The following ALDH1L1 variants were observed in gnomAD, a reference collection of about 807,000 sequenced individuals.
The protein encoded by ALDH1L1 is aldehyde dehydrogenase 1 family member L1, also known as cytosolic 10-formyltetrahydrofolate dehydrogenase.
ALDH1L1 carries 68 observed loss-of-function variants against 101.1 expected under a neutral mutation model. That is an observed-to-expected ratio of 0.67 (90% CI 0.55 to 0.82). The LOEUF (loss-of-function observed/expected upper bound fraction) is 0.82. Ranked by LOEUF, ALDH1L1 falls within the 40% of genes least tolerant of loss-of-function variation. The pLI, the probability that ALDH1L1 is intolerant of heterozygous loss-of-function variation, is 0.00. For missense variants in ALDH1L1, 1,087 were observed against 1,172.7 expected, an observed-to-expected ratio of 0.93 and a Z score of 1.07; for synonymous variants, 486 against 470.8, an observed-to-expected ratio of 1.03 and a Z score of -0.42.
Position 126,180,544 on chromosome 3 carries a change from G to A in ALDH1L1, c.-92C>T. 9.6e-7 allele frequency: 1 copy of A among 1,042,952 alleles called. No individual in the cohort carries two copies. Among genetic ancestry groups the A allele is most frequent in the Non-Finnish European group, 1.2e-6 (1 of 864,494 alleles). The allele number at this position is 1,042,952 out of a possible 1,614,324, so 64.6% of individuals were successfully genotyped here. On this transcript the variant is annotated 5_prime_UTR_variant, in exon 1 of 23. Coordinates refer to ENST00000393434, the MANE Select transcript of ALDH1L1 (RefSeq NM_012190.4). ...CTGTGAGCCGCAGCCCCGAAACTGAGGTTGGTGCAGACCCGTCCTGGGAGC... is the reference window on the plus strand; with the variant it reads ...CTGTGAGCCGCAGCCCCGAAACTGAAGTTGGTGCAGACCCGTCCTGGGAGC...
intron 1 of ALDH1L1, among the ~76,000 whole-genome samples, chr3:126,194,801 A>C (rs946397039): frequency 2.6e-5 from 4 of 152,080 alleles, no homozygotes; most frequent in Non-Finnish European, 4.4e-5. Context: ...CCAAAAACAC[A>C]TTTCACTCTC....
At chr3:126,153,134 T>C in intron 7 of ALDH1L1, 1 of 424,204 alleles carries the variant, frequency 2.4e-6, no homozygotes, top group Non-Finnish European at 4.4e-6. Flanking sequence ...CCAGGCTCCC[T>C]GGGAGGGCTT....
chr3:126,183,904 T>A (rs1000876766), upstream of ALDH1L1, among the ~76,000 whole-genome samples: 4 of 152,164 alleles, frequency 2.6e-5, no homozygotes, highest in African/African-American at 9.7e-5. Context: ...TGAGGGGATG[T>A]TTGGAGGGCG....
Position 126,105,807 on chromosome 3 carries a change from C to G in ALDH1L1, c.2572G>C (p.Val858Leu). The change falls in exon 22 of 23, where the codon GTG becomes CTG. Residue 858 changes from valine to leucine, a missense_variant. Val to Leu is a conservative substitution (Grantham distance 32). Around this residue, in one of 2 missense-constraint regions of ALDH1L1, gnomAD observed 442 missense variants for 535.7 expected, o/e 0.83. Coordinates refer to ENST00000393434, the MANE Select transcript of ALDH1L1 (RefSeq NM_012190.4). ...GTCTTGTTGTACGTGTTGACAAACA[C>G]AGTGCCTGCCTGGAGCTTGTCACTG... ...YVSDKLQAGT[V>L]FVNTYNKTDV... 1 of 1,614,240 alleles carries G rather than the reference C, an allele frequency of 6.2e-7. No homozygotes were observed. Among genetic ancestry groups the G allele is most frequent in the Admixed American group, 1.7e-5 (1 of 60,034 alleles).
chr3:126,155,413 C>T lies in ALDH1L1; in HGVS notation c.619G>A (p.Glu207Lys), dbSNP rs753126269. The T allele has an allele frequency of 5.6e-6, 9 of 1,612,936 alleles. No individual in the cohort carries two copies. In the East Asian group the frequency reaches 1.3e-4, roughly 24 times the overall value. ...GATYEGIQKKETAKINWDQPA... is the reference protein window; with the variant it reads ...GATYEGIQKKKTAKINWDQPA... The stretch of plus-strand genomic sequence containing the variant: ...GACCCAGCACTCACCTTGGCTGTCT[C>T]CTTCTTCTGAATCCCCTCATAGGTG... Residue 207 changes from glutamate (E) to lysine (K), a missense_variant, in exon 5 of 23, where the codon GAG becomes AAG. Glu to Lys is a moderately conservative substitution (Grantham distance 56). Transcript: ENST00000393434.
chr3:126,155,573 A>AT lies in ALDH1L1; in HGVS notation c.529-71dup, dbSNP rs2080889218. Reference sequence around the variant, plus strand: ...CCTCCTTCCCAGCCCCAGGGCCCACATTGAGCCTGGACCCTTCCCCAGACT... The same window carrying AT: ...CCTCCTTCCCAGCCCCAGGGCCCACATTTGAGCCTGGACCCTTCCCCAGACT... On this transcript the variant is annotated intron_variant, in intron 4 of 22. Coordinates refer to ENST00000393434, the MANE Select transcript of ALDH1L1 (RefSeq NM_012190.4). The AT allele has an allele frequency of 2.8e-6, 4 of 1,410,280 alleles. No individual in the cohort carries two copies. The East Asian group carries it at 9.6e-5, about 34-fold the overall frequency. 87.4% of individuals were successfully genotyped at this position (1,410,280 alleles called of 1,614,324 possible).
intron 9 of ALDH1L1, among the ~76,000 whole-genome samples, chr3:126,140,080 G>T (rs2080537652): frequency 6.6e-6 from 1 of 151,742 alleles, no homozygotes; most frequent in Non-Finnish European, 1.5e-5. Flanking sequence ...GTCCAAGCAG[G>T]ATCAAAGAGA....
upstream of ALDH1L1, among the ~76,000 whole-genome samples, chr3:126,186,510 A>T (rs1305642404): frequency 6.6e-6 from 1 of 152,014 alleles, no homozygotes; most frequent in African/African-American, 2.4e-5. Flanking sequence ...CCTGACCCTG[A>T]CCCTGACCCT....
At chr3:126,174,823 C>T (rs1388248642) in intron 1 of ALDH1L1, among the ~76,000 whole-genome samples, 3 of 151,852 alleles carry the variant, frequency 2.0e-5, no homozygotes, top group Non-Finnish European at 4.4e-5. Flanking sequence ...AGCAAGTTTC[C>T]AAATTAGGAA....
At chr3:126,117,902 G>A (rs563923254) in intron 17 of ALDH1L1, 103 bp downstream of exon 17, 2 of 1,166,182 alleles carry the variant, frequency 1.7e-6, no homozygotes, top group Non-Finnish European at 1.2e-6. Context: ...AAGTGGCTGT[G>A]CCCTGGAGCC....
chr3:126,159,977 G>A (rs1021307723), intron 2 of ALDH1L1, among the ~76,000 whole-genome samples: 2 of 152,126 alleles, frequency 1.3e-5, no homozygotes, highest in African/African-American at 4.8e-5. Context: ...CTATCCTTAA[G>A]CCCTGCCCCA....
Position 126,157,672 on chromosome 3 carries a change from T to C in ALDH1L1, c.363-164A>G, listed in dbSNP as rs372729019. The stretch of plus-strand genomic sequence containing the variant: ...ACGGAAGAAGGAAAACAGCATGTAT[T>C]GATAACAACCATGGGCCAGGAATTG... On this transcript the variant is annotated intron_variant, in intron 3 of 22. Coordinates refer to ENST00000393434, the MANE Select transcript of ALDH1L1 (RefSeq NM_012190.4). 9.2e-5 allele frequency among the ~76,000 whole-genome samples: 14 copies of C among 152,248 alleles called. No individual in the cohort carries two copies. In the South Asian group the frequency reaches 1.0e-3, roughly 11 times the overall value.
chr3:126,173,895 A>T (rs114729235), intron 1 of ALDH1L1, among the ~76,000 whole-genome samples: 1,798 of 152,370 alleles, frequency 0.012, 39 homozygotes, highest in African/African-American at 0.041. Context: ...CAATTATCCC[A>T]GCAGACATAA....
chr3:126,110,341 G>A (rs1044287501), intron 19 of ALDH1L1: 45 of 580,422 alleles, frequency 7.8e-5, no homozygotes, highest in Non-Finnish European at 1.3e-4. Context: ...GCAACATATG[G>A]GCTGGAAATG....
At chr3:126,148,221 C>T (rs2080736610) in intron 8 of ALDH1L1, among the ~76,000 whole-genome samples, 1 of 152,210 alleles carries the variant, frequency 6.6e-6, no homozygotes, top group African/African-American at 2.4e-5. Flanking sequence ...ATGCAGGCAG[C>T]CCCTCAGTGC....
In ALDH1L1 at chr3:126,155,474, G is replaced by GC; in HGVS notation, c.557dup (p.Lys187GlnfsTer9). The stretch of plus-strand genomic sequence containing the variant: ...CAGGCTGAGGGAGTCTGGGGGCTTT[G>GC]CCCTCAGCGATCAGCCTCACGGCCT... On this transcript the variant is annotated frameshift_variant, in exon 5 of 23. Transcript: ENST00000393434. LOFTEE classifies it high-confidence loss of function. 1 of 1,613,108 alleles carries GC rather than the reference G, an allele frequency of 6.2e-7. No individual in the cohort carries two copies. The highest frequency in any genetic ancestry group is 8.5e-7 in the Non-Finnish European group (1 of 1,179,674).
At chr3:126,164,807 C>A (rs1451947860) in intron 1 of ALDH1L1, among the ~76,000 whole-genome samples, 5 of 152,128 alleles carry the variant, frequency 3.3e-5, no homozygotes, top group Non-Finnish European at 7.4e-5. Flanking sequence ...CTTTAAGAAA[C>A]TTCCACAGTG....
At chr3:126,118,447 A>G (rs1462618577) in intron 16 of ALDH1L1, among the ~76,000 whole-genome samples, 3 of 152,086 alleles carry the variant, frequency 2.0e-5, no homozygotes. Context: ...TTGGGCAATG[A>G]CCATGCGAGG....
intron 16 of ALDH1L1, among the ~76,000 whole-genome samples, chr3:126,123,745 G>A (rs916673744): frequency 6.6e-6 from 1 of 151,984 alleles, no homozygotes; most frequent in African/African-American, 2.4e-5. Context: ...TCCAGGAGCT[G>A]TATTTGATTT....
Sources: allele counts gnomAD v4.1 joint callset (sites outside exome capture counted in the v4.1 genomes callset), GRCh38; gene constraint gnomAD v4.1.1; regional missense constraint gnomAD v4.1.1; transcripts MANE v1.5; gene names NCBI Gene and HGNC (gene_info 2026-07-23, HGNC 2026-07-21).